The following TAFA1 variants were observed in gnomAD, a reference collection of about 807,000 sequenced individuals.
TAFA1 encodes the protein TAFA chemokine like family member 1, also known as chemokine-like protein TAFA-1.
Under a neutral mutation model 18.5 loss-of-function variants are expected in TAFA1, and 4 were observed. The observed-to-expected ratio is 0.22, with a 90% CI of 0.11 to 0.49. TAFA1 has a LOEUF of 0.49. Among genes scored for constraint, TAFA1 ranks in the 20% least tolerant of loss-of-function variants. The pLI, the probability that TAFA1 is intolerant of heterozygous loss-of-function variation, is 0.98. For synonymous variants in TAFA1, 56 were observed against 55.2 expected (o/e 1.01, Z -0.06); for missense variants, 147 against 169.0 (o/e 0.87, Z 0.72).
intron 2 of TAFA1, among the ~76,000 whole-genome samples, chr3:68,355,282 G>T (rs941519725): frequency 2.6e-5 from 4 of 151,890 alleles, no homozygotes; most frequent in Non-Finnish European, 4.4e-5. Flanking sequence ...CTGGGCTTGG[G>T]AAGCCAGGTT....
intron 2 of TAFA1, among the ~76,000 whole-genome samples, chr3:68,372,118 CA>C (rs943728400): frequency 6.6e-6 from 1 of 152,038 alleles, no homozygotes; most frequent in African/African-American, 2.4e-5. Context: ...CACTTTTATC[CA>C]AACTTTTGGA....
chr3:68,093,940 A>G (rs1184758833), intron 2 of TAFA1, among the ~76,000 whole-genome samples: 1 of 152,090 alleles, frequency 6.6e-6, no homozygotes, highest in Non-Finnish European at 1.5e-5. Flanking sequence ...TGATATGGAA[A>G]GGAAGTTTTT....
chr3:68,073,501 A>C (rs1166688352), intron 2 of TAFA1, among the ~76,000 whole-genome samples: 1 of 152,228 alleles, frequency 6.6e-6, no homozygotes, highest in African/African-American at 2.4e-5. Context: ...CATAAACATA[A>C]GAATAAATAT....
At chr3:68,195,008 G>C (rs1449511056) in intron 2 of TAFA1, among the ~76,000 whole-genome samples, 1 of 151,526 alleles carries the variant, frequency 6.6e-6, no homozygotes, top group Non-Finnish European at 1.5e-5. Context: ...CCTGTTTAAA[G>C]TGGATATATC....
intron 2 of TAFA1, among the ~76,000 whole-genome samples, chr3:68,393,247 A>C (rs965207731): frequency 6.6e-6 from 1 of 152,184 alleles, no homozygotes; most frequent in Non-Finnish European, 1.5e-5. Context: ...AATAAACTGG[A>C]AAATCTAGAA....
At chr3:68,300,883 G>A (rs2068292429) in intron 2 of TAFA1, among the ~76,000 whole-genome samples, 2 of 152,094 alleles carry the variant, frequency 1.3e-5, no homozygotes, top group African/African-American at 2.4e-5. Context: ...CACCATGATT[G>A]TAAGTTTCTT....
chr3:68,032,739 A>C (rs1559710335), intron 2 of TAFA1, among the ~76,000 whole-genome samples: 1 of 151,990 alleles, frequency 6.6e-6, no homozygotes, highest in Non-Finnish European at 1.5e-5. Flanking sequence ...CGTTTCTTGT[A>C]CAGAAATCAG....
At position 68,538,884 on chromosome 3, in the gene TAFA1, A is replaced by G; in HGVS notation, c.384+4A>G. On this transcript the variant is annotated splice_donor_region_variant and intron_variant, in intron 4 of 4. Transcript: ENST00000478136. ...CAACAAAATTAAGACCACGAGAGTA[A>G]GTGCACTTATTTCAAATGTATTTTG... 6.2e-7 allele frequency: 1 copy of G among 1,613,202 alleles called. No homozygotes were observed. Among genetic ancestry groups the G allele is most frequent in the Non-Finnish European group, 8.5e-7 (1 of 1,179,414 alleles).
chr3:68,039,582 C>T lies in TAFA1; in HGVS notation c.118+32838C>T, dbSNP rs141816061. 3.8e-3 allele frequency among the ~76,000 whole-genome samples: 585 copies of T among 152,248 alleles called. 3 individuals carry two copies. Among genetic ancestry groups the T allele is most frequent in the African/African-American group, 0.013 (534 of 41,548 alleles). ...AGTCAAAGATTGTGTAGCATTTCAT[C>T]TTATAGATCTCCTATGATAGACAAT... On this transcript the variant is annotated intron_variant, in intron 2 of 4. Transcript: ENST00000478136.
At chr3:68,142,156 A>G (rs1459363749) in intron 2 of TAFA1, among the ~76,000 whole-genome samples, 1 of 152,252 alleles carries the variant, frequency 6.6e-6, no homozygotes, top group Non-Finnish European at 1.5e-5. Context: ...GTTTTGTTCC[A>G]TACATGAGGA....
At chr3:68,508,634 A>G (rs1355547989) in intron 3 of TAFA1, among the ~76,000 whole-genome samples, 1 of 152,130 alleles carries the variant, frequency 6.6e-6, no homozygotes, top group African/African-American at 2.4e-5. Context: ...ATGCACAAAT[A>G]AGGCAGAAAA....
intron 3 of TAFA1, among the ~76,000 whole-genome samples, chr3:68,456,236 C>T (rs954634079): frequency 6.6e-6 from 1 of 152,108 alleles, no homozygotes; most frequent in African/African-American, 2.4e-5. Flanking sequence ...GGGTTAGCAA[C>T]TTTATATATA....
chr3:68,160,536 T>C (rs1464681526), intron 2 of TAFA1, among the ~76,000 whole-genome samples: 1 of 152,178 alleles, frequency 6.6e-6, no homozygotes, highest in African/African-American at 2.4e-5. Flanking sequence ...AGATATTTAA[T>C]CTCCCTATTC....
chr3:68,416,113 C>T (rs1559660172), intron 2 of TAFA1, among the ~76,000 whole-genome samples: 1 of 152,066 alleles, frequency 6.6e-6, no homozygotes, highest in Non-Finnish European at 1.5e-5. Flanking sequence ...CCAAACTGGC[C>T]AGCTATTATT....
intron 2 of TAFA1, among the ~76,000 whole-genome samples, chr3:68,274,187 A>T (rs1205057755): frequency 1.3e-5 from 2 of 152,196 alleles, no homozygotes; most frequent in East Asian, 3.8e-4. Context: ...CCAATTCCAA[A>T]TTCAAACTAC....
intron 2 of TAFA1, among the ~76,000 whole-genome samples, chr3:68,388,333 T>G (rs943424450): frequency 1.3e-5 from 2 of 152,110 alleles, no homozygotes; most frequent in African/African-American, 4.8e-5. Context: ...GTAACAAACT[T>G]TTATGAATAA....
intron 2 of TAFA1, among the ~76,000 whole-genome samples, chr3:68,413,921 G>T (rs1400519844): frequency 6.6e-6 from 1 of 152,126 alleles, no homozygotes; most frequent in African/African-American, 2.4e-5. Flanking sequence ...AGGTGATACA[G>T]TGACCCTCAT....
chr3:68,047,338 A>G (rs2064402051), intron 2 of TAFA1, among the ~76,000 whole-genome samples: 1 of 152,200 alleles, frequency 6.6e-6, no homozygotes, highest in African/African-American at 2.4e-5. Context: ...TCCAGTTGAA[A>G]TAAAGCTCAC....
intron 2 of TAFA1, among the ~76,000 whole-genome samples, chr3:68,088,353 A>AGCCAC: frequency 1.3e-5 from 2 of 152,138 alleles, no homozygotes; most frequent in South Asian, 2.1e-4. Context: ...TTTGACACAT[A>AGCCAC]TAGAGGTTTC....
Sources: gnomAD v4.1 joint callset for allele counts (sites outside exome capture counted in the v4.1 genomes callset) on GRCh38, gnomAD v4.1.1 for gene constraint, MANE v1.5 for transcripts, NCBI Gene and HGNC (gene_info 2026-07-23, HGNC 2026-07-21) for gene names.